The following FGF12 variants were observed in gnomAD, a reference collection of about 807,000 sequenced individuals.
FGF12 encodes the protein fibroblast growth factor 12B.
Under a neutral mutation model 23.6 loss-of-function variants are expected in FGF12, and 14 were observed. The observed-to-expected ratio is 0.59, with a 90% CI of 0.39 to 0.93. The LOEUF (loss-of-function observed/expected upper bound fraction) is 0.93. Ranked by LOEUF, FGF12 falls within the 40% of genes least tolerant of loss-of-function variation. The pLI is 0.00. For missense variants in FGF12, 175 were observed against 217.8 expected, an observed-to-expected ratio of 0.80 and a Z score of 1.24; for synonymous variants, 62 against 77.3, an observed-to-expected ratio of 0.80 and a Z score of 1.04.
chr3:192,344,478 T>G (rs568301528), intron 3 of FGF12, among the ~76,000 whole-genome samples: 1 of 152,320 alleles, frequency 6.6e-6, no homozygotes, highest in East Asian at 1.9e-4. Flanking sequence ...TTAAGTTATA[T>G]TGGTTCACTG....
intron 4 of FGF12, among the ~76,000 whole-genome samples, chr3:192,224,900 A>G (rs903519193): frequency 3.3e-5 from 5 of 152,098 alleles, no homozygotes; most frequent in Non-Finnish European, 5.9e-5. Context: ...TATGTAAATG[A>G]ATCAGCTGAA....
At chr3:192,655,985 G>A (rs572546966) in intron 2 of FGF12, among the ~76,000 whole-genome samples, 1 of 144,406 alleles carries the variant, frequency 6.9e-6, no homozygotes, top group Non-Finnish European at 1.5e-5. Flanking sequence ...CACATGGGCC[G>A]AGAAAAGAAA....
chr3:192,722,703 T>A (rs1425061300), intron 2 of FGF12, among the ~76,000 whole-genome samples: 1 of 152,200 alleles, frequency 6.6e-6, no homozygotes, highest in South Asian at 2.1e-4. Context: ...ATCCAACGCA[T>A]ATAATTCGAA....
chr3:192,538,554 AT>A (rs1416981165), intron 2 of FGF12, among the ~76,000 whole-genome samples: 1 of 152,134 alleles, frequency 6.6e-6, no homozygotes, highest in Non-Finnish European at 1.5e-5. Context: ...AAGTAATGAG[AT>A]TCCTCTAGTT....
intron 2 of FGF12, among the ~76,000 whole-genome samples, chr3:192,667,419 T>C (rs11924364): frequency 0.019 from 2,799 of 151,230 alleles, 92 homozygotes; most frequent in African/African-American, 0.065. Context: ...GGCTGGTCAA[T>C]ATGGTGAAAC....
chr3:192,694,061 C>G (rs1349480270), intron 2 of FGF12, among the ~76,000 whole-genome samples: 1 of 152,066 alleles, frequency 6.6e-6, no homozygotes, highest in Non-Finnish European at 1.5e-5. Flanking sequence ...TAACAAAAAT[C>G]AAATAACTCA....
intron 4 of FGF12, among the ~76,000 whole-genome samples, chr3:192,252,001 G>A (rs1712044559): frequency 6.6e-6 from 1 of 152,116 alleles, no homozygotes; most frequent in Non-Finnish European, 1.5e-5. Context: ...TTTAGTCTAT[G>A]CTAGGTATTT....
rs1713269719 is a variant in FGF12 at position 192,139,818 on chromosome 3, C to T, written c.*4191G>A. ...AAGTATTGAATTTTTAACTTGGGCT[C>T]CAGGAAAAATCCTGAAAAAGAAAGA... On this transcript the variant is annotated 3_prime_UTR_variant, in exon 6 of 6. Coordinates refer to ENST00000445105, the MANE Select transcript of FGF12 (RefSeq NM_004113.6). 6.6e-6 allele frequency: 1 copy of T among 151,856 alleles called. No individual in the cohort carries two copies. The highest frequency in any genetic ancestry group is 6.6e-5 in the Admixed American group (1 of 15,252). 9.4% of individuals were successfully genotyped at this position (151,856 alleles called of 1,614,324 possible). A position where few individuals can be genotyped will look rare whatever the true frequency, so the allele number is the denominator to read the frequency against.
chr3:192,293,698 C>T (rs2108652151), intron 4 of FGF12, among the ~76,000 whole-genome samples: 1 of 152,284 alleles, frequency 6.6e-6, no homozygotes, highest in African/African-American at 2.4e-5. Context: ...TTGTGTGGAA[C>T]ATTTTCTAAT....
chr3:192,142,124 G>A lies in FGF12; in HGVS notation c.*1885C>T, dbSNP rs142603606. On this transcript the variant is annotated 3_prime_UTR_variant, in exon 6 of 6. Coordinates refer to ENST00000445105, the MANE Select transcript of FGF12 (RefSeq NM_004113.6). Reference sequence around the variant, plus strand: ...TATTTTGGTTAAACAAATATCTCTTGCAAATGTATCTTCAAAATCTTTGCC... The same window carrying A: ...TATTTTGGTTAAACAAATATCTCTTACAAATGTATCTTCAAAATCTTTGCC... The A allele has an allele frequency of 6.6e-6, 1 of 152,436 alleles. No homozygotes were observed. The highest frequency in any genetic ancestry group is 1.5e-5 in the Non-Finnish European group (1 of 67,918). 9.4% of individuals were successfully genotyped at this position (152,436 alleles called of 1,614,324 possible). A position where few individuals can be genotyped will look rare whatever the true frequency, so the allele number is the denominator to read the frequency against.
chr3:192,517,863 C>G (rs899888579), intron 2 of FGF12, among the ~76,000 whole-genome samples: 4 of 152,148 alleles, frequency 2.6e-5, no homozygotes, highest in African/African-American at 7.2e-5. Context: ...GTGATTGTCA[C>G]CCACTTCCAC....
At chr3:192,171,973 C>T (rs926922964) in intron 4 of FGF12, among the ~76,000 whole-genome samples, 14 of 151,064 alleles carry the variant, frequency 9.3e-5, no homozygotes, top group East Asian at 1.9e-4. Context: ...CTCAAACTCC[C>T]GGGCCCAGAA....
intron 4 of FGF12, among the ~76,000 whole-genome samples, chr3:192,178,170 A>T (rs1165471095): frequency 6.6e-6 from 1 of 152,158 alleles, no homozygotes; most frequent in Non-Finnish European, 1.5e-5. Context: ...AGAAATGCCA[A>T]ATTACACAAT....
At chr3:192,296,909 C>G (rs1715072491) in intron 4 of FGF12, among the ~76,000 whole-genome samples, 1 of 152,248 alleles carries the variant, frequency 6.6e-6, no homozygotes, top group Non-Finnish European at 1.5e-5. Context: ...CATTTTAGCC[C>G]AAACCCAGGG....
chr3:192,685,078 G>A (rs1717683771), intron 2 of FGF12, among the ~76,000 whole-genome samples: 1 of 151,802 alleles, frequency 6.6e-6, no homozygotes, highest in Admixed American at 6.6e-5. Flanking sequence ...TTGAGACAGA[G>A]TCTCGTTCTG....
rs953209504 is a variant in FGF12, at chr3:192,447,612, C to T, written c.14-87074G>A. The stretch of plus-strand genomic sequence containing the variant: ...TGGACTCTAATCTGTTTCCTCTCAA[C>T]GCTGTAACCTAAGCACTCTTTTCTC... On this transcript the variant is annotated intron_variant, in intron 2 of 5. Transcript: ENST00000445105. Among the ~76,000 whole-genome samples the T allele has an allele frequency of 7.2e-5, 11 of 152,158 alleles. No homozygotes were observed. In the South Asian group the frequency reaches 8.3e-4, roughly 11 times the overall value.
intron 4 of FGF12, among the ~76,000 whole-genome samples, chr3:192,327,291 T>C (rs6798604): frequency 0.014 from 2,103 of 152,302 alleles, 37 homozygotes; most frequent in East Asian, 0.05. Context: ...TTCTCATGGT[T>C]ACAGCTACTC....
chr3:192,490,280 A>G (rs149477554), intron 2 of FGF12, among the ~76,000 whole-genome samples: 1,618 of 152,024 alleles, frequency 0.011, 20 homozygotes, highest in African/African-American at 0.037. Flanking sequence ...GATTTTGTAA[A>G]TGGTTCTACC....
intron 4 of FGF12, among the ~76,000 whole-genome samples, chr3:192,322,753 G>A (rs956340101): frequency 6.6e-6 from 1 of 152,086 alleles, no homozygotes; most frequent in Non-Finnish European, 1.5e-5. Context: ...TTGGGGAAAG[G>A]AGTCTCTTTG....
Sources: allele counts gnomAD v4.1 joint callset (sites outside exome capture counted in the v4.1 genomes callset), GRCh38; gene constraint gnomAD v4.1.1; transcripts MANE v1.5; gene names NCBI Gene and HGNC (gene_info 2026-07-23, HGNC 2026-07-21).